Variants in LAMA3 observed in about 807,000 individuals in gnomAD.
LAMA3 encodes laminin subunit alpha-3.
Under a neutral mutation model 402.0 loss-of-function variants are expected in LAMA3, and 281 were observed. The observed-to-expected ratio is 0.70, with a 90% CI of 0.63 to 0.77. The LOEUF (loss-of-function observed/expected upper bound fraction) is 0.77. Ranked by LOEUF, LAMA3 falls within the 30% of genes least tolerant of loss-of-function variation. The probability of loss-of-function intolerance (pLI) is 0.00; values close to 1 mark genes in which losing one functional copy is unlikely to be tolerated. For synonymous variants in LAMA3, 1,431 were observed against 1,558.4 expected (o/e 0.92, Z 1.93); for missense variants, 3,840 against 4,215.5 (o/e 0.91, Z 2.47).
rs892127958 is a variant in LAMA3 at position 23,689,993 on chromosome 18, A to G, written c.294+16A>G. 1 of 1,428,462 alleles carries G rather than the reference A, an allele frequency of 7.0e-7. No individual in the cohort carries two copies. Among genetic ancestry groups the G allele is most frequent in the Non-Finnish European group, 9.2e-7 (1 of 1,087,736 alleles). 88.5% of individuals were successfully genotyped at this position (1,428,462 alleles called of 1,614,324 possible). The stretch of plus-strand genomic sequence containing the variant: ...CACCATCCAGGTGAGGGCCTCGGAG[A>G]GAGCCGGGGTGGGCGCGCCTTTTCC... On this transcript the variant is annotated intron_variant, in intron 1 of 74. Coordinates refer to ENST00000313654, the MANE Select transcript of LAMA3 (RefSeq NM_198129.4).
At chr18:23,923,085 A>G (rs931728786) in intron 62 of LAMA3, among the ~76,000 whole-genome samples, 3 of 152,208 alleles carry the variant, frequency 2.0e-5, no homozygotes, top group Non-Finnish European at 4.4e-5. Context: ...TGAAGCACCA[A>G]AGCTGGATAG....
intron 12 of LAMA3, among the ~76,000 whole-genome samples, chr18:23,800,138 G>A (rs2084913305): frequency 6.6e-6 from 1 of 152,182 alleles, no homozygotes; most frequent in Non-Finnish European, 1.5e-5. Flanking sequence ...CGCCAACTTG[G>A]CACTCATATA....
At chr18:23,803,069 A>G (rs980380078) in intron 12 of LAMA3, among the ~76,000 whole-genome samples, 3 of 152,216 alleles carry the variant, frequency 2.0e-5, no homozygotes, top group Middle Eastern at 3.2e-3. Context: ...ATCAGAAGCA[A>G]TACTATGTGG....
At chr18:23,883,905 A>C (rs1407907375) in intron 40 of LAMA3, among the ~76,000 whole-genome samples, 1 of 152,210 alleles carries the variant, frequency 6.6e-6, no homozygotes, top group Non-Finnish European at 1.5e-5. Flanking sequence ...CTGCAATATT[A>C]ATAGTGCTGA....
intron 66 of LAMA3, 122 bp from the exon 67 acceptor site, chr18:23,933,660 C>T (rs2082229890): frequency 1.0e-6 from 1 of 973,428 alleles, no homozygotes; most frequent in Non-Finnish European, 1.6e-6. Flanking sequence ...ATTTTTGTAC[C>T]CATTAACCAA....
At chr18:23,903,467 A>G (rs1166496719) in intron 49 of LAMA3, among the ~76,000 whole-genome samples, 1 of 152,250 alleles carries the variant, frequency 6.6e-6, no homozygotes, top group Admixed American at 6.5e-5. Context: ...ATTTTTTAGC[A>G]GTTCAATGGG....
intron 12 of LAMA3, among the ~76,000 whole-genome samples, chr18:23,789,946 C>T (rs188522960): frequency 4.3e-4 from 65 of 152,282 alleles, no homozygotes; most frequent in East Asian, 5.8e-4. Flanking sequence ...GTAAATTTGA[C>T]GCTCATCTCT....
chr18:23,917,116 T>C (rs1224094254), intron 60 of LAMA3, among the ~76,000 whole-genome samples: 2 of 152,086 alleles, frequency 1.3e-5, no homozygotes, highest in African/African-American at 2.4e-5. Flanking sequence ...TGAGAACGTG[T>C]GGTATTTGGT....
intron 41 of LAMA3, 64 bp downstream of exon 41, chr18:23,884,917 G>A: frequency 1.6e-6 from 2 of 1,288,910 alleles, no homozygotes; most frequent in Non-Finnish European, 2.2e-6. Context: ...GGGTGGGGCT[G>A]CCAGGTGCTG....
In LAMA3 at chr18:23,857,757, A is replaced by G. The variant is rs867448; in HGVS notation, c.4137-87A>G. 0.56 allele frequency: 874,001 copies of G among 1,553,746 alleles called. 258,602 individuals carry two copies. Among genetic ancestry groups the G allele is most frequent in the Non-Finnish European group, 0.62 (696,053 of 1,125,652 alleles). The stretch of plus-strand genomic sequence containing the variant: ...TGTATCTATTTAACTGGCTTTGCAC[A>G]CCAATTAGTCCACTATAGTGTAAGT... On this transcript the variant is annotated intron_variant, in intron 32 of 74. Coordinates refer to ENST00000313654, the MANE Select transcript of LAMA3 (RefSeq NM_198129.4).
Position 23,819,927 on chromosome 18 carries a change from G to A in LAMA3, c.2234G>A (p.Arg745Gln), listed in dbSNP as rs200367371. The change falls in exon 19 of 75, where the codon CGA (arginine) becomes CAA (glutamine). Residue 745 changes from arginine to glutamine, a missense_variant. Around this residue, in one of 3 missense-constraint regions of LAMA3, gnomAD observed 2,109 missense variants for 2,376.0 expected, o/e 0.89. Coordinates refer to ENST00000313654, the MANE Select transcript of LAMA3 (RefSeq NM_198129.4). ...DGSTPNGRDL[R>Q]FGFDPLAFPE... ...AGCACACCTAATGGGAGAGACCTTC[G>A]ATTTGGATTTGATCCGCTGGCATTT... 188 of 1,614,058 alleles carry A rather than the reference G, an allele frequency of 1.2e-4. No homozygotes were observed. Among genetic ancestry groups the A allele is most frequent in the Non-Finnish European group, 1.5e-4 (172 of 1,179,992 alleles).
chr18:23,694,647 G>C (rs1408907027), intron 1 of LAMA3, among the ~76,000 whole-genome samples: 1 of 152,210 alleles, frequency 6.6e-6, no homozygotes, highest in Non-Finnish European at 1.5e-5. Flanking sequence ...CAGGTACTCT[G>C]GCTGCAGAAT....
Position 23,875,467 on chromosome 18 carries a change from A to G in LAMA3, c.4999-827A>G, listed in dbSNP as rs536749751. Among the ~76,000 whole-genome samples the G allele has an allele frequency of 7.4e-4, 112 of 152,318 alleles. 2 individuals are homozygous for G. Among genetic ancestry groups the G allele is most frequent in the South Asian group, 4.4e-3 (21 of 4,822 alleles). Reference sequence around the variant, plus strand: ...ACAAGGAAACAAGACCAACCCAAGGAGAGTCCCTCAGGCTGAGCCTCTGTG... The same window carrying G: ...ACAAGGAAACAAGACCAACCCAAGGGGAGTCCCTCAGGCTGAGCCTCTGTG... On this transcript the variant is annotated intron_variant, in intron 38 of 74. Transcript: ENST00000313654.
At chr18:23,887,772 A>G (rs1370201345) in intron 41 of LAMA3, among the ~76,000 whole-genome samples, 1 of 152,224 alleles carries the variant, frequency 6.6e-6, no homozygotes, top group Admixed American at 6.5e-5. Context: ...TTTCCAGCCC[A>G]TGCATGCTCT....
chr18:23,919,161 G>A (rs1383554820), intron 60 of LAMA3, among the ~76,000 whole-genome samples: 3 of 152,180 alleles, frequency 2.0e-5, no homozygotes, highest in Non-Finnish European at 2.9e-5. Context: ...GTAAATTGGT[G>A]TAACTCTGTT....
At chr18:23,864,678 G>C in intron 35 of LAMA3, 107 bp from the exon 36 acceptor site, 1 of 752,936 alleles carries the variant, frequency 1.3e-6, no homozygotes. Context: ...ACCAGGTCGA[G>C]TGTGTTTCTT....
At chr18:23,935,820 G>A (rs2082297441) in intron 67 of LAMA3, among the ~76,000 whole-genome samples, 1 of 152,138 alleles carries the variant, frequency 6.6e-6, no homozygotes, top group South Asian at 2.1e-4. Context: ...GGCATAAGAT[G>A]CTACAGGAGT....
rs762966407 is a variant in LAMA3 at position 23,949,888 on chromosome 18, A to G, written c.9475A>G (p.Ile3159Val). ...CTTGGGTGGTCCTTTGGAGAAAGGCATTTATTTCTCTGAAGAAGGAGGTCA... is the reference window on the plus strand; with the variant it reads ...CTTGGGTGGTCCTTTGGAGAAAGGCGTTTATTTCTCTGAAGAAGGAGGTCA... ...SCLGGPLEKGIYFSEEGGHVV... is the reference protein window; with the variant it reads ...SCLGGPLEKGVYFSEEGGHVV... The change falls in exon 71 of 75, where the codon ATT (isoleucine) becomes GTT (valine). Residue 3159 changes from isoleucine (I) to valine (V), a missense_variant. Around this residue, in one of 3 missense-constraint regions of LAMA3, gnomAD observed 840 missense variants for 981.9 expected, o/e 0.86. Transcript: ENST00000313654. 2.5e-5 allele frequency: 40 copies of G among 1,613,922 alleles called. No homozygotes were observed. Among genetic ancestry groups the G allele is most frequent in the Admixed American group, 3.3e-5 (2 of 59,992 alleles).
Position 23,758,557 on chromosome 18 carries a change from C to T in LAMA3, c.1063+46C>T, listed in dbSNP as rs761908945. On this transcript the variant is annotated intron_variant, in intron 7 of 74. Coordinates refer to ENST00000313654, the MANE Select transcript of LAMA3 (RefSeq NM_198129.4). ...GGGGCCACACGTGGCCTTCTCCCCCCTCTCCCTGGGGGCTGAGGCTATTTT... is the reference window on the plus strand; with the variant it reads ...GGGGCCACACGTGGCCTTCTCCCCCTTCTCCCTGGGGGCTGAGGCTATTTT... 1.9e-5 allele frequency: 20 copies of T among 1,052,184 alleles called. No individual in the cohort carries two copies. The African/African-American group carries it at 2.7e-4, about 14-fold the overall frequency. The allele number at this position is 1,052,184 out of a possible 1,614,324, so 65.2% of individuals were successfully genotyped here.
Sources: allele counts gnomAD v4.1 joint callset (sites outside exome capture counted in the v4.1 genomes callset), GRCh38; gene constraint gnomAD v4.1.1; regional missense constraint gnomAD v4.1.1; transcripts MANE v1.5; gene names NCBI Gene and HGNC (gene_info 2026-07-23, HGNC 2026-07-21).